The following ZNF260 variants were observed in gnomAD, a reference collection of about 807,000 sequenced individuals.
The protein encoded by ZNF260 is zinc finger protein 260.
Under a neutral mutation model 29.3 loss-of-function variants are expected in ZNF260, and 21 were observed. The observed-to-expected ratio is 0.72, with a 90% CI of 0.51 to 1.03. The LOEUF is 1.03. Among genes scored for constraint, ZNF260 ranks in the 50% least tolerant of loss-of-function variants. The probability of loss-of-function intolerance (pLI) is 0.00; values close to 1 mark genes in which losing one functional copy is unlikely to be tolerated. For missense variants in ZNF260, 465 were observed against 487.8 expected, an observed-to-expected ratio of 0.95 and a Z score of 0.44; for synonymous variants, 156 against 156.8, an observed-to-expected ratio of 0.99 and a Z score of 0.04.
Position 36,514,706 on chromosome 19 carries a change from T to A in ZNF260, c.533A>T (p.Tyr178Phe). Residue 178 changes from tyrosine (Y) to phenylalanine (F), a missense_variant, in exon 3 of 3, where the codon TAC (tyrosine) becomes TTC (phenylalanine). Tyr to Phe is a conservative substitution (Grantham distance 22). Coordinates refer to ENST00000523638, the MANE Select transcript of ZNF260 (RefSeq NM_001166037.2). ...ATGGATGTTCTGATGTTTAATGAGG[T>A]ATTGCTTCTGGCTGAAGGCTCTTCC... Reference protein sequence around the residue: ...QCGRAFSQKQYLIKHQNIHTG... With the variant: ...QCGRAFSQKQFLIKHQNIHTG... The A allele has an allele frequency of 1.2e-6, 2 of 1,613,946 alleles. No homozygotes were observed. Among genetic ancestry groups the A allele is most frequent in the Non-Finnish European group, 1.7e-6 (2 of 1,180,004 alleles).
intron 2 of ZNF260, among the ~76,000 whole-genome samples, chr19:36,522,420 C>T (rs1214012209): frequency 6.6e-6 from 1 of 152,088 alleles, no homozygotes; most frequent in Non-Finnish European, 1.5e-5. Context: ...CACACCATTG[C>T]ACTCTGGCCT....
intron 2 of ZNF260, among the ~76,000 whole-genome samples, chr19:36,523,975 G>C (rs1202196840): frequency 6.6e-6 from 1 of 152,086 alleles, no homozygotes; most frequent in East Asian, 1.9e-4. Flanking sequence ...AGGTGACATA[G>C]TGTTGAACTA....
At position 36,515,078 on chromosome 19, in the gene ZNF260, G is replaced by A. The variant is rs1456033259; in HGVS notation, c.161C>T (p.Ser54Phe). 1 of 1,614,100 alleles carries A rather than the reference G, an allele frequency of 6.2e-7. No homozygotes were observed. Among genetic ancestry groups the A allele is most frequent in the African/African-American group, 1.3e-5 (1 of 75,050 alleles). Residue 54 changes from serine to phenylalanine, a missense_variant, in exon 3 of 3, where the codon TCT becomes TTT. Coordinates refer to ENST00000523638, the MANE Select transcript of ZNF260 (RefSeq NM_001166037.2). Reference sequence around the variant, plus strand: ...TTTACCACATTCAGTGCATTCATGAGATTTCTCTCCAGTATGCATTTTCTT... The same window carrying A: ...TTTACCACATTCAGTGCATTCATGAAATTTCTCTCCAGTATGCATTTTCTT... ...EHKKMHTGEKSHECTECGKVC... is the reference protein window; with the variant it reads ...EHKKMHTGEKFHECTECGKVC...
At chr19:36,526,504 C>T (rs954409564) in intron 1 of ZNF260, among the ~76,000 whole-genome samples, 10 of 152,180 alleles carry the variant, frequency 6.6e-5, no homozygotes, top group African/African-American at 2.4e-4. Flanking sequence ...TGCACCACTG[C>T]ACTCCAGTCT....
chr19:36,516,140 G>C (rs1043960012), intron 2 of ZNF260, among the ~76,000 whole-genome samples: 1 of 152,090 alleles, frequency 6.6e-6, no homozygotes, highest in Non-Finnish European at 1.5e-5. Flanking sequence ...CCAAAGTGCT[G>C]GGATTACAGG....
chr19:36,519,107 C>CA (rs1249800708), intron 2 of ZNF260, among the ~76,000 whole-genome samples: 1 of 151,964 alleles, frequency 6.6e-6, no homozygotes, highest in Non-Finnish European at 1.5e-5. Flanking sequence ...CATACCACAT[C>CA]AAAAAGGCAT....
Position 36,512,226 on chromosome 19 carries a change from T to C in ZNF260, c.*1774A>G, listed in dbSNP as rs2034463320. 1 of 152,146 alleles carries C rather than the reference T, an allele frequency of 6.6e-6. No homozygotes were observed. Among genetic ancestry groups the C allele is most frequent in the South Asian group, 2.1e-4 (1 of 4,824 alleles). The allele number at this position is 152,146 out of a possible 1,614,324, so 9.4% of individuals were successfully genotyped here. On this transcript the variant is annotated 3_prime_UTR_variant, in exon 3 of 3. Coordinates refer to ENST00000523638, the MANE Select transcript of ZNF260 (RefSeq NM_001166037.2). ...CACCCCAATTAAAAATTATTTCATA[T>C]TTTAAAGATAAGATTTTAGAAATAT... is the stretch of plus-strand genomic sequence containing the variant.
chr19:36,513,976 AATCCAAGGC>A lies in ZNF260; in HGVS notation c.*15_*23del. ...GTAAAATCTGCTGAACGTTTTGCTA[AATCCAAGGC>A]ATTCATAGAGAACTTTAATGAGTAT... On this transcript the variant is annotated 3_prime_UTR_variant, in exon 3 of 3. Coordinates refer to ENST00000523638, the MANE Select transcript of ZNF260 (RefSeq NM_001166037.2). 1 of 1,587,382 alleles carries A rather than the reference AATCCAAGGC, an allele frequency of 6.3e-7. No individual in the cohort carries two copies. The highest frequency in any genetic ancestry group is 8.6e-7 in the Non-Finnish European group (1 of 1,164,478).
chr19:36,520,384 T>G (rs2034623610), intron 2 of ZNF260, among the ~76,000 whole-genome samples: 1 of 151,978 alleles, frequency 6.6e-6, no homozygotes, highest in Non-Finnish European at 1.5e-5. Flanking sequence ...TAACTATAGA[T>G]AGAAAATATG....
At chr19:36,516,729 C>T (rs1167441295) in intron 2 of ZNF260, among the ~76,000 whole-genome samples, 1 of 152,190 alleles carries the variant, frequency 6.6e-6, no homozygotes, top group Non-Finnish European at 1.5e-5. Context: ...CAGGCGCCCA[C>T]CACCATGCCC....
At chr19:36,515,915 A>G (rs1387273477) in intron 2 of ZNF260, among the ~76,000 whole-genome samples, 2 of 151,738 alleles carry the variant, frequency 1.3e-5, no homozygotes, top group African/African-American at 2.4e-5. Context: ...CTTGTTGCCC[A>G]GGCTGGAGGG....
chr19:36,518,919 T>C (rs2034595934), intron 2 of ZNF260, among the ~76,000 whole-genome samples: 1 of 152,118 alleles, frequency 6.6e-6, no homozygotes, highest in South Asian at 2.1e-4. Context: ...GGCATATACA[T>C]GTACTCCCTT....
At chr19:36,516,597 G>A (rs1187388758) in intron 2 of ZNF260, among the ~76,000 whole-genome samples, 1 of 151,918 alleles carries the variant, frequency 6.6e-6, no homozygotes, top group East Asian at 1.9e-4. Flanking sequence ...TTATTTTTTT[G>A]GGTCGGAGTC....
Position 36,527,996 on chromosome 19 carries a change from C to T in ZNF260, c.-681+223G>A, listed in dbSNP as rs200023300. On this transcript the variant is annotated intron_variant, in intron 1 of 2. Transcript: ENST00000523638. The stretch of plus-strand genomic sequence containing the variant: ...AACCAGTTTCTCACTAACTCTGCAC[C>T]CTCAACACCCCCTCACACTCTCGGT... Among the ~76,000 whole-genome samples, 71 of 152,114 alleles carry T rather than the reference C, an allele frequency of 4.7e-4. 1 individual carries two copies. The East Asian group carries it at 0.01, about 22-fold the overall frequency.
intron 2 of ZNF260, among the ~76,000 whole-genome samples, chr19:36,520,749 A>G (rs1050264436): frequency 7.9e-5 from 12 of 151,104 alleles, no homozygotes; most frequent in Admixed American, 5.3e-4. Context: ...AGTCCCAGCT[A>G]CTCTGGAGGC....
At chr19:36,520,210 AAAAAG>A (rs1167260586) in intron 2 of ZNF260, among the ~76,000 whole-genome samples, 3 of 150,236 alleles carry the variant, frequency 2.0e-5, no homozygotes, top group Admixed American at 6.6e-5. Flanking sequence ...AAAAAAAAAA[AAAAAG>A]AAAGAAAGAA....
chr19:36,514,708 T>C lies in ZNF260; in HGVS notation c.531A>G (p.Gln177=), dbSNP rs370325602. 1.2e-6 allele frequency: 2 copies of C among 1,613,994 alleles called. No homozygotes were observed. Among genetic ancestry groups the C allele is most frequent in the South Asian group, 2.2e-5 (2 of 91,082 alleles). Residue 177 remains glutamine (Q), a synonymous_variant, in exon 3 of 3, where the codon CAA becomes CAG. Transcript: ENST00000523638. ...GGATGTTCTGATGTTTAATGAGGTA[T>C]TGCTTCTGGCTGAAGGCTCTTCCAC... ...NQCGRAFSQK[Q]YLIKHQNIHT...
rs760408628 is a variant in ZNF260, at chr19:36,513,969, T to C, written c.*31A>G. On this transcript the variant is annotated 3_prime_UTR_variant, in exon 3 of 3. Coordinates refer to ENST00000523638, the MANE Select transcript of ZNF260 (RefSeq NM_001166037.2). ...ATTAAGTGTAAAATCTGCTGAACGT[T>C]TTGCTAAATCCAAGGCATTCATAGA... 4 of 1,582,564 alleles carry C rather than the reference T, an allele frequency of 2.5e-6. No homozygotes were observed. The highest frequency in any genetic ancestry group is 2.3e-5 in the South Asian group (2 of 88,174).
rs2034527778 is a variant in ZNF260, at chr19:36,515,103, T to C, written c.136A>G (p.Lys46Glu). 5.6e-6 allele frequency: 9 copies of C among 1,614,120 alleles called. No individual in the cohort carries two copies. Among genetic ancestry groups the C allele is most frequent in the African/African-American group, 1.3e-5 (1 of 75,052 alleles). Residue 46 changes from lysine (K) to glutamate (E), a missense_variant, in exon 3 of 3, where the codon AAG (lysine) becomes GAG (glutamate). Lys to Glu is a moderately conservative substitution (Grantham distance 56). Transcript: ENST00000523638. ...GATTTCTCTCCAGTATGCATTTTCTTATGCTCTACAAGGTTTTGCTTCAGG... is the reference window on the plus strand; with the variant it reads ...GATTTCTCTCCAGTATGCATTTTCTCATGCTCTACAAGGTTTTGCTTCAGG... ...FSLKQNLVEHKKMHTGEKSHE... is the reference protein window; with the variant it reads ...FSLKQNLVEHEKMHTGEKSHE...
Sources: gnomAD v4.1 joint callset for allele counts (sites outside exome capture counted in the v4.1 genomes callset) on GRCh38, gnomAD v4.1.1 for gene constraint, MANE v1.5 for transcripts, NCBI Gene and HGNC (gene_info 2026-07-23, HGNC 2026-07-21) for gene names.